The following XPOT variants were observed in gnomAD, a reference collection of about 807,000 sequenced individuals.
The protein encoded by XPOT is exportin for tRNA.
Under a neutral mutation model 128.2 loss-of-function variants are expected in XPOT, and 34 were observed. That is an observed-to-expected ratio of 0.27 (90% CI 0.20 to 0.35). XPOT has a LOEUF of 0.35. XPOT is among the 10% of genes least tolerant of loss of function. The pLI is 1.00. For synonymous variants in XPOT, 348 were observed against 394.3 expected, an observed-to-expected ratio of 0.88 and a Z score of 1.39; for missense variants, 838 against 1,125.3, an observed-to-expected ratio of 0.74 and a Z score of 3.65.
intron 24 of XPOT, among the ~76,000 whole-genome samples, chr12:64,446,600 C>T (rs2040368987): frequency 6.6e-6 from 1 of 151,374 alleles, no homozygotes; most frequent in African/African-American, 2.4e-5. Flanking sequence ...TGAACAAATT[C>T]ATGTTTCTCA....
chr12:64,438,924 C>T (rs750645698), intron 22 of XPOT, among the ~76,000 whole-genome samples: 2 of 152,136 alleles, frequency 1.3e-5, no homozygotes, highest in Admixed American at 6.6e-5. Flanking sequence ...CCACTGCACC[C>T]GGCCAAGAAC....
At chr12:64,424,821 A>G in intron 12 of XPOT, 98 bp downstream of exon 12, 1 of 1,463,066 alleles carries the variant, frequency 6.8e-7, no homozygotes, top group African/African-American at 1.4e-5. Flanking sequence ...AATCCATGTT[A>G]CTTATTGAGA....
At chr12:64,412,067 A>G (rs982715243) in intron 2 of XPOT, among the ~76,000 whole-genome samples, 1 of 117,446 alleles carries the variant, frequency 8.5e-6, no homozygotes, top group Non-Finnish European at 1.6e-5. Flanking sequence ...TCTGTTGCCC[A>G]GCCTGGAGTG....
In XPOT at chr12:64,431,481, C is replaced by T. The variant is rs367824517; in HGVS notation, c.1977-57C>T. 5.8e-5 allele frequency: 91 copies of T among 1,563,332 alleles called. No homozygotes were observed. In the South Asian group the frequency reaches 9.7e-4, roughly 17 times the overall value. On this transcript the variant is annotated intron_variant, in intron 17 of 24. Transcript: ENST00000332707. ...TTGTTGTGCATTGCTTTTGAATACT[C>T]CATAACACTTTTAAAGAATAAAGTT...
chr12:64,411,662 T>C (rs1175068053), intron 2 of XPOT, among the ~76,000 whole-genome samples: 2 of 152,212 alleles, frequency 1.3e-5, no homozygotes, highest in Admixed American at 1.3e-4. Flanking sequence ...GGAAGAAATC[T>C]TAAAGTGAAT....
Position 64,450,433 on chromosome 12 carries a change from C to A in XPOT, c.*2302C>A, listed in dbSNP as rs1400330652. The A allele has an allele frequency of 6.6e-6, 1 of 152,176 alleles. No homozygotes were observed. Among genetic ancestry groups the A allele is most frequent in the Non-Finnish European group, 1.5e-5 (1 of 68,040 alleles). 9.4% of individuals were successfully genotyped at this position (152,176 alleles called of 1,614,324 possible). ...ATGTTGGGATTACAGGTATAAGCCA[C>A]TGCACACGGCCTTACTATGCTATCA... On this transcript the variant is annotated 3_prime_UTR_variant, in exon 25 of 25. Coordinates refer to ENST00000332707, the MANE Select transcript of XPOT (RefSeq NM_007235.6).
intron 24 of XPOT, among the ~76,000 whole-genome samples, chr12:64,446,104 C>G (rs2040365146): frequency 6.6e-6 from 1 of 152,126 alleles, no homozygotes; most frequent in African/African-American, 2.4e-5. Context: ...TCGCCATCCT[C>G]CCATAAAAAA....
At chr12:64,406,449 ACCT>A (rs2039983869) in intron 1 of XPOT, among the ~76,000 whole-genome samples, 1 of 149,800 alleles carries the variant, frequency 6.7e-6, no homozygotes, top group Non-Finnish European at 1.5e-5. Flanking sequence ...GCTCACTGCA[ACCT>A]CCGCCTCCCG....
chr12:64,418,036 T>G lies in XPOT; in HGVS notation c.201-10T>G. The G allele has an allele frequency of 6.2e-7, 1 of 1,607,732 alleles. No individual in the cohort carries two copies. The highest frequency in any genetic ancestry group is 8.5e-7 in the Non-Finnish European group (1 of 1,176,662). On this transcript the variant is annotated splice_polypyrimidine_tract_variant and intron_variant, in intron 4 of 24. Coordinates refer to ENST00000332707, the MANE Select transcript of XPOT (RefSeq NM_007235.6). Reference sequence around the variant, plus strand: ...TAGCCATTATTCTTTTTCTTCTCTATTTTGAACAGATACTCAGAACTAACC... The same window carrying G: ...TAGCCATTATTCTTTTTCTTCTCTAGTTTGAACAGATACTCAGAACTAACC...
chr12:64,414,881 C>G, intron 2 of XPOT, 26 bp from the exon 3 acceptor site: 1 of 1,471,868 alleles, frequency 6.8e-7, no homozygotes, highest in Non-Finnish European at 9.5e-7. Flanking sequence ...ATTCTAAATG[C>G]ATTTTTTTGT....
chr12:64,439,148 T>G (rs1181242003), intron 22 of XPOT, 96 bp from the exon 23 acceptor site: 1 of 1,180,178 alleles, frequency 8.5e-7, no homozygotes, highest in Non-Finnish European at 1.3e-6. Flanking sequence ...AGCACAATAC[T>G]ATATTGCCTT....
At chr12:64,409,069 T>C (rs1296546295) in intron 1 of XPOT, among the ~76,000 whole-genome samples, 7 of 152,064 alleles carry the variant, frequency 4.6e-5, no homozygotes, top group Admixed American at 4.6e-4. Flanking sequence ...AATGCAAAAC[T>C]AAGTCCATTG....
intron 16 of XPOT, 90 bp downstream of exon 16, chr12:64,428,210 A>G: frequency 1.1e-6 from 1 of 880,798 alleles, no homozygotes; most frequent in Non-Finnish European, 1.7e-6. Context: ...TTTAAAAAAA[A>G]AAATTGGTGG....
At position 64,433,490 on chromosome 12, in the gene XPOT, C is replaced by T. The variant is rs1244542845; in HGVS notation, c.2339C>T (p.Ala780Val). 1 of 1,610,862 alleles carries T rather than the reference C, an allele frequency of 6.2e-7. No individual in the cohort carries two copies. Among genetic ancestry groups the T allele is most frequent in the East Asian group, 2.2e-5 (1 of 44,684 alleles). ...ATTTTTGAAGTGCTGCTCCGGCCAG[C>T]AGAAGAAAATGACCAGTCTGCTGCT... ...HAIFEVLLRP[A>V]EENDQSAALE... The change falls in exon 19 of 25, where the codon GCA (alanine) becomes GTA (valine). Residue 780 changes from alanine to valine, a missense_variant. Ala to Val is a moderately conservative substitution (Grantham distance 64). Transcript: ENST00000332707.
At chr12:64,423,481 TCTCA>T (rs1024608755) in intron 11 of XPOT, among the ~76,000 whole-genome samples, 86 of 151,856 alleles carry the variant, frequency 5.7e-4, no homozygotes, top group African/African-American at 2.0e-3. Context: ...TGAGACAGAG[TCTCA>T]CTCTGTCACC....
In XPOT at chr12:64,450,413, G is replaced by C. The variant is rs1176562039; in HGVS notation, c.*2282G>C. ...ATCCTCCCACTGGCCTCACAATGTT[G>C]GGATTACAGGTATAAGCCACTGCAC... On this transcript the variant is annotated 3_prime_UTR_variant, in exon 25 of 25. Coordinates refer to ENST00000332707, the MANE Select transcript of XPOT (RefSeq NM_007235.6). 2.0e-5 allele frequency: 3 copies of C among 151,990 alleles called. No homozygotes were observed. Among genetic ancestry groups the C allele is most frequent in the African/African-American group, 7.3e-5 (3 of 41,328 alleles). The allele number at this position is 151,990 out of a possible 1,614,324, so 9.4% of individuals were successfully genotyped here.
chr12:64,418,716 A>G (rs2136017708), intron 5 of XPOT, among the ~76,000 whole-genome samples, 160 bp from the exon 6 acceptor site: 1 of 152,286 alleles, frequency 6.6e-6, no homozygotes. Context: ...GATAATTTTG[A>G]TAATCATAAT....
At chr12:64,438,028 A>G (rs1362969561) in intron 22 of XPOT, among the ~76,000 whole-genome samples, 1 of 152,162 alleles carries the variant, frequency 6.6e-6, no homozygotes, top group Non-Finnish European at 1.5e-5. Context: ...AGGTAGGAGC[A>G]TTATGAAAGA....
At chr12:64,436,396 C>T (rs575715702) in intron 22 of XPOT, among the ~76,000 whole-genome samples, 1 of 151,924 alleles carries the variant, frequency 6.6e-6, no homozygotes, top group African/African-American at 2.4e-5. Flanking sequence ...TAGCTGGGAC[C>T]ACACAGATGC....
Sources: allele counts gnomAD v4.1 joint callset (sites outside exome capture counted in the v4.1 genomes callset), GRCh38; gene constraint gnomAD v4.1.1; transcripts MANE v1.5; gene names NCBI Gene and HGNC (gene_info 2026-07-23, HGNC 2026-07-21).